REEP3: variants seen among roughly 807,000 people sequenced by gnomAD.
REEP3 encodes the protein receptor expression-enhancing protein 3.
A neutral mutation model predicts 41.3 loss-of-function variants in REEP3; 20 were observed. The observed-to-expected ratio is 0.48, with a 90% CI of 0.34 to 0.70. REEP3 has a LOEUF of 0.70. Among genes scored for constraint, REEP3 ranks in the 30% least tolerant of loss-of-function variants. REEP3 has a pLI of 0.01. For synonymous variants in REEP3, 104 were observed against 101.8 expected (o/e 1.02, Z -0.13); for missense variants, 271 against 308.8 (o/e 0.88, Z 0.92).
chr10:63,523,052 T>C (rs1018755588), intron 1 of REEP3, among the ~76,000 whole-genome samples: 3 of 151,700 alleles, frequency 2.0e-5, no homozygotes, highest in African/African-American at 7.2e-5. Context: ...TGGATTTCTT[T>C]GACCAGTTCT....
intron 1 of REEP3, among the ~76,000 whole-genome samples, chr10:63,524,555 T>C (rs1405374209): frequency 1.3e-5 from 2 of 152,054 alleles, no homozygotes; most frequent in African/African-American, 4.8e-5. Flanking sequence ...TCATGTCTCA[T>C]GACTCAACCT....
At chr10:63,617,116 C>T (rs1490247391) in intron 6 of REEP3, among the ~76,000 whole-genome samples, 2 of 152,154 alleles carry the variant, frequency 1.3e-5, no homozygotes, top group Non-Finnish European at 2.9e-5. Context: ...CAAGCCCTAG[C>T]TACTCTCCTC....
At chr10:63,536,563 A>G (rs905776767) in intron 1 of REEP3, among the ~76,000 whole-genome samples, 2 of 152,180 alleles carry the variant, frequency 1.3e-5, no homozygotes, top group African/African-American at 4.8e-5. Flanking sequence ...CAGCACTAGG[A>G]TTGTTGCCCA....
chr10:63,608,015 A>G (rs866660051), intron 5 of REEP3, among the ~76,000 whole-genome samples: 3 of 152,242 alleles, frequency 2.0e-5, no homozygotes, highest in African/African-American at 7.2e-5. Context: ...ATGGACATGC[A>G]TGTCATTTGT....
chr10:63,572,288 C>T (rs1421788212), intron 2 of REEP3, among the ~76,000 whole-genome samples: 1 of 148,300 alleles, frequency 6.7e-6, no homozygotes, highest in Non-Finnish European at 1.5e-5. Flanking sequence ...TAAACTTAGC[C>T]ATCTAATTTA....
At chr10:63,587,618 C>T (rs1956019821) in intron 2 of REEP3, among the ~76,000 whole-genome samples, 1 of 152,176 alleles carries the variant, frequency 6.6e-6, no homozygotes, top group Non-Finnish European at 1.5e-5. Context: ...AAGTTCTCCC[C>T]ACACAACTAT....
rs1052461884 is a variant in REEP3, at chr10:63,532,915, A to G, written c.32+11338A>G. On this transcript the variant is annotated intron_variant, in intron 1 of 7. Coordinates refer to ENST00000373758, the MANE Select transcript of REEP3 (RefSeq NM_001001330.3). The stretch of plus-strand genomic sequence containing the variant: ...GCGAGACCCTGTCTCATAAAAAAGA[A>G]GAGGAGAAAAAATGTCGAACAAACT... Among the ~76,000 whole-genome samples the G allele has an allele frequency of 7.9e-5, 12 of 152,336 alleles. No individual in the cohort carries two copies. The South Asian group carries it at 2.3e-3, about 29-fold the overall frequency.
At chr10:63,609,716 C>T (rs7076907) in intron 5 of REEP3, among the ~76,000 whole-genome samples, 60 of 152,174 alleles carry the variant, frequency 3.9e-4, no homozygotes, top group African/African-American at 1.3e-3. Flanking sequence ...GCCAAGATCA[C>T]GCCACTGCAT....
In REEP3 at chr10:63,558,729, C is replaced by T. The variant is rs906848862; in HGVS notation, c.33-7609C>T. 2.0e-5 allele frequency among the ~76,000 whole-genome samples: 3 copies of T among 149,178 alleles called. No individual in the cohort carries two copies. In the Admixed American group the frequency reaches 2.0e-4, roughly 10 times the overall value. On this transcript the variant is annotated intron_variant, in intron 1 of 7. Transcript: ENST00000373758. ...CTGCGTTCCAGCCTGGGCAACAGAG[C>T]AAGACTCTGTGTCAAAAAAAATAAA... is the stretch of plus-strand genomic sequence containing the variant.
intron 2 of REEP3, among the ~76,000 whole-genome samples, chr10:63,585,848 T>C (rs1026038119): frequency 1.3e-5 from 2 of 152,168 alleles, no homozygotes; most frequent in African/African-American, 4.8e-5. Context: ...CCATACCATA[T>C]TTCCTTGTAT....
intron 2 of REEP3, among the ~76,000 whole-genome samples, chr10:63,589,706 G>T (rs1239138476): frequency 3.4e-5 from 5 of 147,520 alleles, no homozygotes; most frequent in African/African-American, 1.2e-4. Context: ...AATCCCTTTA[G>T]TAAGCTTTCC....
chr10:63,594,428 G>C (rs964248744), intron 2 of REEP3, among the ~76,000 whole-genome samples: 17 of 152,098 alleles, frequency 1.1e-4, no homozygotes, highest in African/African-American at 3.9e-4. Context: ...AAAGAAGCAA[G>C]TAGATAACGT....
Position 63,521,531 on chromosome 10 carries a change from C to T in REEP3, c.-15C>T. On this transcript the variant is annotated 5_prime_UTR_variant, in exon 1 of 8. Coordinates refer to ENST00000373758, the MANE Select transcript of REEP3 (RefSeq NM_001001330.3). ...GCCCACCCGCCCCGGACGTGGGGCC[C>T]AAGCCCCCGTGAAGATGGTGTCCTG... is the stretch of plus-strand genomic sequence containing the variant. 1 of 1,427,692 alleles carries T rather than the reference C, an allele frequency of 7.0e-7. No homozygotes were observed. The highest frequency in any genetic ancestry group is 9.3e-7 in the Non-Finnish European group (1 of 1,079,768). The allele number at this position is 1,427,692 out of a possible 1,614,324, so 88.4% of individuals were successfully genotyped here.
At chr10:63,610,980 G>A (rs1368686829) in intron 6 of REEP3, among the ~76,000 whole-genome samples, 1 of 152,178 alleles carries the variant, frequency 6.6e-6, no homozygotes, top group Non-Finnish European at 1.5e-5. Context: ...GCTGAGGCAG[G>A]AGAATTGCTT....
At chr10:63,594,148 C>T (rs903671886) in intron 2 of REEP3, among the ~76,000 whole-genome samples, 2 of 150,938 alleles carry the variant, frequency 1.3e-5, no homozygotes, top group Admixed American at 1.3e-4. Flanking sequence ...GAGGCCGAGA[C>T]GGACAGATAG....
chr10:63,578,758 G>A lies in REEP3; in HGVS notation c.105+12348G>A, dbSNP rs555719540. Among the ~76,000 whole-genome samples the A allele has an allele frequency of 8.5e-5, 13 of 152,292 alleles. No homozygotes were observed. In the South Asian group the frequency reaches 2.7e-3, roughly 32 times the overall value. ...TGCCACTGCACTCCACCATGGGCAA[G>A]AGAGCAAGACCCTGTCTCGAAACAT... On this transcript the variant is annotated intron_variant, in intron 2 of 7. Coordinates refer to ENST00000373758, the MANE Select transcript of REEP3 (RefSeq NM_001001330.3).
chr10:63,564,094 T>C (rs1955772978), intron 1 of REEP3, among the ~76,000 whole-genome samples: 1 of 152,116 alleles, frequency 6.6e-6, no homozygotes, highest in African/African-American at 2.4e-5. Flanking sequence ...TAAACAAAAA[T>C]CAGCACTGGT....
rs868155040 is a variant in REEP3 at position 63,621,692 on chromosome 10, A to G, written c.*823A>G. On this transcript the variant is annotated 3_prime_UTR_variant, in exon 8 of 8. Coordinates refer to ENST00000373758, the MANE Select transcript of REEP3 (RefSeq NM_001001330.3). ...AAGAAGTTGCTTTAAACATTAACCAATTTTCTATATTTAGCTATACAGAGT... is the reference window on the plus strand; with the variant it reads ...AAGAAGTTGCTTTAAACATTAACCAGTTTTCTATATTTAGCTATACAGAGT... 2 of 152,540 alleles carry G rather than the reference A, an allele frequency of 1.3e-5. No individual in the cohort carries two copies. The highest frequency in any genetic ancestry group is 4.8e-5 in the African/African-American group (2 of 41,442). 9.4% of individuals were successfully genotyped at this position (152,540 alleles called of 1,614,324 possible).
Position 63,621,116 on chromosome 10 carries a change from G to A in REEP3, c.*247G>A, listed in dbSNP as rs1360661377. On this transcript the variant is annotated 3_prime_UTR_variant, in exon 8 of 8. Coordinates refer to ENST00000373758, the MANE Select transcript of REEP3 (RefSeq NM_001001330.3). ...GAAATTATAGAAAATCATGTTGTCC[G>A]TTTTCAAATTCATCAACAGCCTAGA... 6 of 327,912 alleles carry A rather than the reference G, an allele frequency of 1.8e-5. No homozygotes were observed. The highest frequency in any genetic ancestry group is 1.4e-4 in the Admixed American group (3 of 22,132). 20.3% of individuals were successfully genotyped at this position (327,912 alleles called of 1,614,324 possible). A position where few individuals can be genotyped will look rare whatever the true frequency, so the allele number is the denominator to read the frequency against.
Sources: allele counts gnomAD v4.1 joint callset (sites outside exome capture counted in the v4.1 genomes callset), GRCh38; gene constraint gnomAD v4.1.1; transcripts MANE v1.5; gene names NCBI Gene and HGNC (gene_info 2026-07-23, HGNC 2026-07-21).